The following LRRC4C variants were observed in gnomAD, a reference collection of about 807,000 sequenced individuals.
The protein encoded by LRRC4C is leucine rich repeat containing 4C.
In LRRC4C, 5 loss-of-function variants were observed where a neutral mutation model predicts 33.6. The ratio of observed to expected loss-of-function variants is 0.15; its 90% CI spans 0.08 to 0.31. The LOEUF is 0.31. LRRC4C is among the 10% of genes least tolerant of loss of function. LRRC4C has a pLI of 1.00. For missense variants in LRRC4C, 560 were observed against 796.7 expected, an observed-to-expected ratio of 0.70 and a Z score of 3.58; for synonymous variants, 329 against 302.0, an observed-to-expected ratio of 1.09 and a Z score of -0.93.
intron 3 of LRRC4C, among the ~76,000 whole-genome samples, chr11:40,385,905 A>ATAAAG (rs1188465633): frequency 6.7e-6 from 1 of 149,904 alleles, no homozygotes; most frequent in Non-Finnish European, 1.5e-5. Context: ...ATAAAATAAA[A>ATAAAG]TAAAAAAATA....
At chr11:41,232,058 A>G (rs565596224) in intron 1 of LRRC4C, among the ~76,000 whole-genome samples, 1 of 151,726 alleles carries the variant, frequency 6.6e-6, no homozygotes, top group African/African-American at 2.4e-5. Flanking sequence ...TGTTTTCATG[A>G]CTTTTTTCAA....
intron 3 of LRRC4C, among the ~76,000 whole-genome samples, chr11:40,460,750 CT>C (rs918686209): frequency 6.6e-6 from 1 of 152,088 alleles, no homozygotes; most frequent in Non-Finnish European, 1.5e-5. Flanking sequence ...GGGGCTTTGC[CT>C]TTTTCACCAT....
chr11:40,128,617 G>A (rs76321719), intron 6 of LRRC4C, among the ~76,000 whole-genome samples: 167 of 151,994 alleles, frequency 1.1e-3, no homozygotes, highest in African/African-American at 3.9e-3. Context: ...AAACTGCTTT[G>A]GTCTCCAAGA....
chr11:40,612,323 G>A (rs1199663733), intron 3 of LRRC4C, among the ~76,000 whole-genome samples: 1 of 151,842 alleles, frequency 6.6e-6, no homozygotes, highest in Non-Finnish European at 1.5e-5. Context: ...CGTATTTGGG[G>A]TATGTAAAGA....
intron 2 of LRRC4C, among the ~76,000 whole-genome samples, chr11:40,853,589 C>A (rs1232983250): frequency 6.6e-6 from 1 of 152,002 alleles, no homozygotes; most frequent in African/African-American, 2.4e-5. Context: ...AAGACAAATG[C>A]AATCATTCCT....
intron 3 of LRRC4C, among the ~76,000 whole-genome samples, chr11:40,501,163 C>T (rs983032597): frequency 6.6e-6 from 1 of 152,052 alleles, no homozygotes; most frequent in Non-Finnish European, 1.5e-5. Context: ...ATGGAACCCA[C>T]AACAACTGAA....
At chr11:41,339,695 A>C (rs1258601379) in intron 1 of LRRC4C, among the ~76,000 whole-genome samples, 1 of 152,200 alleles carries the variant, frequency 6.6e-6, no homozygotes, top group Non-Finnish European at 1.5e-5. Context: ...ACATGTTCCT[A>C]ACAGTTTGAG....
At chr11:40,267,253 C>T (rs1942342411) in intron 4 of LRRC4C, among the ~76,000 whole-genome samples, 1 of 152,184 alleles carries the variant, frequency 6.6e-6, no homozygotes, top group Admixed American at 6.6e-5. Flanking sequence ...TGTTAACTTA[C>T]TAAGTTGTAA....
At chr11:40,591,044 C>G (rs985452489) in intron 3 of LRRC4C, among the ~76,000 whole-genome samples, 1 of 152,078 alleles carries the variant, frequency 6.6e-6, no homozygotes, top group South Asian at 2.1e-4. Flanking sequence ...TACCTAAGCA[C>G]GCCTGGGCAA....
At chr11:40,575,605 TTAC>T (rs982122444) in intron 3 of LRRC4C, among the ~76,000 whole-genome samples, 19 of 152,172 alleles carry the variant, frequency 1.2e-4, no homozygotes, top group African/African-American at 4.3e-4. Flanking sequence ...AGTCTGAAAC[TTAC>T]TACTAATTAG....
At chr11:40,481,042 A>C (rs1953533514) in intron 3 of LRRC4C, among the ~76,000 whole-genome samples, 2 of 151,940 alleles carry the variant, frequency 1.3e-5, no homozygotes, top group Admixed American at 6.6e-5. Flanking sequence ...ACTATATTAT[A>C]GAAATAAAAT....
chr11:41,023,032 A>C (rs1445680123), intron 1 of LRRC4C, among the ~76,000 whole-genome samples: 1 of 151,836 alleles, frequency 6.6e-6, no homozygotes. Flanking sequence ...ATGTATCTTA[A>C]CTCTACATTC....
At chr11:40,529,539 A>G (rs1025266206) in intron 3 of LRRC4C, among the ~76,000 whole-genome samples, 30 of 152,250 alleles carry the variant, frequency 2.0e-4, no homozygotes, top group African/African-American at 7.0e-4. Context: ...GGGAAATGCC[A>G]GTAGTATTGA....
At chr11:40,918,151 G>T (rs1354735215) in intron 2 of LRRC4C, among the ~76,000 whole-genome samples, 1 of 152,096 alleles carries the variant, frequency 6.6e-6, no homozygotes, top group Admixed American at 6.6e-5. Context: ...GTGAGCCTTT[G>T]TGTAAGGAGA....
intron 1 of LRRC4C, among the ~76,000 whole-genome samples, chr11:41,249,799 T>G (rs542759784): frequency 6.6e-6 from 1 of 152,326 alleles, no homozygotes; most frequent in East Asian, 1.9e-4. Context: ...TTATTCTGCT[T>G]CATTTTTCTT....
At chr11:40,856,859 T>C (rs1320751902) in intron 2 of LRRC4C, among the ~76,000 whole-genome samples, 3 of 152,082 alleles carry the variant, frequency 2.0e-5, no homozygotes, top group South Asian at 4.2e-4. Flanking sequence ...TTTTTATCTG[T>C]TTTTTTCCCA....
At chr11:40,925,836 G>A (rs1359964975) in intron 2 of LRRC4C, among the ~76,000 whole-genome samples, 1 of 152,068 alleles carries the variant, frequency 6.6e-6, no homozygotes, top group African/African-American at 2.4e-5. Context: ...GGCACTGAGA[G>A]GATAAAAATG....
chr11:40,582,709 G>T (rs955208945), intron 3 of LRRC4C, among the ~76,000 whole-genome samples: 10 of 151,854 alleles, frequency 6.6e-5, no homozygotes, highest in African/African-American at 2.2e-4. Context: ...TAGAGAGAGG[G>T]TTTCACCATG....
chr11:41,344,112 T>C (rs1210745851), intron 1 of LRRC4C, among the ~76,000 whole-genome samples: 1 of 152,070 alleles, frequency 6.6e-6, no homozygotes, highest in Non-Finnish European at 1.5e-5. Context: ...AAGCCCTAGA[T>C]CAGAAGTGTT....
Sources: allele counts gnomAD v4.1 joint callset (sites outside exome capture counted in the v4.1 genomes callset), GRCh38; gene constraint gnomAD v4.1.1; transcripts MANE v1.5; gene names NCBI Gene and HGNC (gene_info 2026-07-23, HGNC 2026-07-21).